The following ADGRL3 variants were observed in gnomAD, a reference collection of about 807,000 sequenced individuals.
The protein encoded by ADGRL3 is adhesion G protein-coupled receptor L3.
ADGRL3 carries 62 observed loss-of-function variants against 153.5 expected under a neutral mutation model. That is an observed-to-expected ratio of 0.40 (90% CI 0.33 to 0.50). ADGRL3 has a LOEUF of 0.50. Among genes scored for constraint, ADGRL3 ranks in the 20% least tolerant of loss-of-function variants. The pLI, the probability that ADGRL3 is intolerant of heterozygous loss-of-function variation, is 0.47. For synonymous variants in ADGRL3, 710 were observed against 672.5 expected (o/e 1.06, Z -0.86); for missense variants, 1,641 against 1,859.4 (o/e 0.88, Z 2.16).
intron 1 of ADGRL3, among the ~76,000 whole-genome samples, chr4:61,307,814 G>A (rs745462613): frequency 2.8e-4 from 43 of 152,276 alleles, no homozygotes; most frequent in Non-Finnish European, 4.0e-4. Context: ...TGGATAATTA[G>A]CAATTTGAGT....
intron 1 of ADGRL3, among the ~76,000 whole-genome samples, chr4:61,211,353 T>C (rs1413564607): frequency 6.6e-6 from 1 of 152,204 alleles, no homozygotes; most frequent in Non-Finnish European, 1.5e-5. Context: ...GACTGCTGGA[T>C]TCATTCCCTT....
chr4:61,746,891 A>C (rs1041019057), intron 8 of ADGRL3, among the ~76,000 whole-genome samples: 1 of 152,174 alleles, frequency 6.6e-6, no homozygotes, highest in East Asian at 1.9e-4. Context: ...GACACAAAAA[A>C]CCCTTCAAAA....
intron 5 of ADGRL3, among the ~76,000 whole-genome samples, chr4:61,627,278 T>A (rs1405862829): frequency 6.6e-6 from 1 of 152,136 alleles, no homozygotes; most frequent in African/African-American, 2.4e-5. Context: ...TTAGAAATGT[T>A]CATATATATT....
intron 6 of ADGRL3, among the ~76,000 whole-genome samples, chr4:61,678,572 T>C (rs11939481): frequency 0.39 from 58,480 of 151,824 alleles, 12,418 homozygotes; most frequent in Non-Finnish European, 0.49. Flanking sequence ...AAAAGGATTA[T>C]AGTTTACCAC....
chr4:61,420,410 T>C (rs999661107), intron 2 of ADGRL3: 7 of 137,720 alleles, frequency 5.1e-5, no homozygotes, highest in African/African-American at 1.9e-4. Context: ...GCTTTTTTTT[T>C]TTTTTTTTTT....
chr4:61,928,122 A>G, intron 13 of ADGRL3, among the ~76,000 whole-genome samples: 1 of 151,748 alleles, frequency 6.6e-6, no homozygotes, highest in East Asian at 1.9e-4. Flanking sequence ...TCAGGAAAAC[A>G]TATTTAAAAA....
intron 5 of ADGRL3, among the ~76,000 whole-genome samples, chr4:61,663,544 C>T (rs1022457211): frequency 2.0e-5 from 3 of 152,180 alleles, no homozygotes; most frequent in Admixed American, 6.5e-5. Context: ...GCCTGGCTCA[C>T]CCTAGGCAGG....
chr4:61,397,529 T>C (rs2096882509), intron 2 of ADGRL3, among the ~76,000 whole-genome samples: 2 of 151,930 alleles, frequency 1.3e-5, no homozygotes, highest in South Asian at 4.1e-4. Context: ...GTTGAAAGCA[T>C]CTCTTTTAGC....
At chr4:61,976,188 AG>A (rs1240705710) in intron 17 of ADGRL3, among the ~76,000 whole-genome samples, 1 of 152,308 alleles carries the variant, frequency 6.6e-6, no homozygotes, top group Admixed American at 6.5e-5. Context: ...TTTGTTTTAT[AG>A]GTGATTGAGT....
chr4:62,038,494 A>G (rs1726351114), intron 24 of ADGRL3, among the ~76,000 whole-genome samples: 1 of 152,174 alleles, frequency 6.6e-6, no homozygotes. Flanking sequence ...CTCAAAGATT[A>G]TTACATAGAA....
intron 8 of ADGRL3, among the ~76,000 whole-genome samples, chr4:61,812,265 A>T (rs561968802): frequency 6.6e-6 from 1 of 152,184 alleles, no homozygotes; most frequent in Admixed American, 6.5e-5. Context: ...ATTCTTAGTT[A>T]CCATTATGAG....
chr4:61,327,259 T>C (rs1195022594), intron 1 of ADGRL3, among the ~76,000 whole-genome samples: 2 of 151,872 alleles, frequency 1.3e-5, no homozygotes, highest in East Asian at 3.9e-4. Context: ...TCCTTATTTT[T>C]AATTTATGTA....
intron 21 of ADGRL3, among the ~76,000 whole-genome samples, chr4:62,005,967 T>TACACACAC (rs59783179): frequency 0.084 from 5,711 of 67,612 alleles, 373 homozygotes; most frequent in South Asian, 0.21. Flanking sequence ...TATATACACA[T>TACACACAC]ACACACACAC....
intron 1 of ADGRL3, among the ~76,000 whole-genome samples, chr4:61,373,882 A>G (rs1454156530): frequency 1.3e-5 from 2 of 152,220 alleles, no homozygotes; most frequent in Admixed American, 1.3e-4. Context: ...TATCTAAATA[A>G]CTTAAAATGT....
intron 5 of ADGRL3, among the ~76,000 whole-genome samples, chr4:61,670,178 C>T (rs2094942515): frequency 6.6e-6 from 1 of 152,048 alleles, no homozygotes; most frequent in African/African-American, 2.4e-5. Context: ...CCTTGAGTCC[C>T]AGCTATTCAG....
At chr4:62,057,059 A>G (rs988917353) in intron 25 of ADGRL3, among the ~76,000 whole-genome samples, 1 of 152,142 alleles carries the variant, frequency 6.6e-6, no homozygotes, top group African/African-American at 2.4e-5. Context: ...TAGAGTGGCA[A>G]TTCAAGTTAT....
At chr4:61,424,948 G>GCAGGCACAAAGGCCATCCC (rs2097258673) in intron 2 of ADGRL3, among the ~76,000 whole-genome samples, 1 of 152,114 alleles carries the variant, frequency 6.6e-6, no homozygotes, top group African/African-American at 2.4e-5. Context: ...AAGCACAGTG[G>GCAGGCACAAAGGCCATCCC]CAGGCACAAA....
At chr4:61,322,185 G>A (rs542736516) in intron 1 of ADGRL3, among the ~76,000 whole-genome samples, 8 of 152,258 alleles carry the variant, frequency 5.3e-5, no homozygotes, top group Admixed American at 2.6e-4. Flanking sequence ...CAGATCTTGT[G>A]AGACCCGTTC....
At chr4:61,569,279 C>T (rs1336637994) in intron 4 of ADGRL3, among the ~76,000 whole-genome samples, 1 of 152,100 alleles carries the variant, frequency 6.6e-6, no homozygotes, top group African/African-American at 2.4e-5. Context: ...ATGTAATTCA[C>T]ATGCCATAAG....
Sources: allele counts gnomAD v4.1 joint callset (sites outside exome capture counted in the v4.1 genomes callset), GRCh38; gene constraint gnomAD v4.1.1; transcripts MANE v1.5; gene names NCBI Gene and HGNC (gene_info 2026-07-23, HGNC 2026-07-21).